Variants in AKAP19 observed in about 807,000 individuals in gnomAD.
AKAP19 encodes the protein A-kinase anchoring protein 19, also known as small A-kinase anchoring protein.
At chr2:190,141,803 C>T in the AKAP19 span, among the ~76,000 whole-genome samples, 1 of 152,132 alleles carries the variant, frequency 6.6e-6, no homozygotes, top group African/African-American at 2.4e-5. Context: ...TATTATGATA[C>T]CCGGTTTTTG....
At chr2:189,946,207 G>T in the AKAP19 span, among the ~76,000 whole-genome samples, 1 of 152,126 alleles carries the variant, frequency 6.6e-6, no homozygotes, top group African/African-American at 2.4e-5. Flanking sequence ...AACCCTAAAG[G>T]ATTAGGGGAT....
the AKAP19 span, among the ~76,000 whole-genome samples, chr2:189,977,072 G>A: frequency 6.6e-6 from 1 of 152,278 alleles, no homozygotes; most frequent in African/African-American, 2.4e-5. Context: ...CATCGCTCAC[G>A]CTGGGAGCTG....
At chr2:190,065,112 G>A in the AKAP19 span, among the ~76,000 whole-genome samples, 5 of 151,922 alleles carry the variant, frequency 3.3e-5, no homozygotes, top group Admixed American at 6.6e-5. Context: ...CCTTTTTCCC[G>A]TCTATTTAGT....
the AKAP19 span, among the ~76,000 whole-genome samples, chr2:189,888,571 G>A: frequency 6.6e-6 from 1 of 152,180 alleles, no homozygotes; most frequent in Non-Finnish European, 1.5e-5. Context: ...TCCTATTCAT[G>A]AGCATGGAAT....
At chr2:190,060,496 A>T in the AKAP19 span, 2 of 1,457,254 alleles carry the variant, frequency 1.4e-6, no homozygotes, top group Non-Finnish European at 1.9e-6. Flanking sequence ...AAACCCCTCC[A>T]TATTAATAGT....
chr2:190,046,884 G>T, the AKAP19 span, among the ~76,000 whole-genome samples: 1 of 151,892 alleles, frequency 6.6e-6, no homozygotes, highest in African/African-American at 2.4e-5. Context: ...TAATATGATT[G>T]GTTTCTTTTC....
chr2:189,883,555 T>C, the AKAP19 span, among the ~76,000 whole-genome samples: 1 of 151,104 alleles, frequency 6.6e-6, no homozygotes, highest in East Asian at 1.9e-4. Flanking sequence ...AACAACCTTT[T>C]TCCCCTTACT....
At chr2:190,033,814 G>A in the AKAP19 span, among the ~76,000 whole-genome samples, 20 of 151,802 alleles carry the variant, frequency 1.3e-4, no homozygotes, top group Non-Finnish European at 2.6e-4. Context: ...CATACCTCTC[G>A]TCTGATCAAG....
chr2:190,141,809 T>C, the AKAP19 span, among the ~76,000 whole-genome samples: 1 of 152,308 alleles, frequency 6.6e-6, no homozygotes, highest in African/African-American at 2.4e-5. Context: ...GATACCCGGT[T>C]TTTGAGAGAA....
the AKAP19 span, among the ~76,000 whole-genome samples, chr2:190,103,653 A>G: frequency 1.3e-5 from 2 of 152,222 alleles, no homozygotes; most frequent in East Asian, 3.8e-4. Context: ...TCTCTACAAG[A>G]AGAACTGCAA....
the AKAP19 span, chr2:190,181,061 C>G: frequency 5.1e-6 from 5 of 985,592 alleles, no homozygotes; most frequent in East Asian, 1.1e-4. Context: ...CGGGACCCCA[C>G]GGCTGTCCGG....
At chr2:189,897,972 G>C in the AKAP19 span, among the ~76,000 whole-genome samples, 32 of 152,220 alleles carry the variant, frequency 2.1e-4, no homozygotes, top group African/African-American at 7.0e-4. Flanking sequence ...ACTTTGGGAG[G>C]CTGAGACGGT....
At chr2:190,087,014 T>C in the AKAP19 span, among the ~76,000 whole-genome samples, 2 of 152,152 alleles carry the variant, frequency 1.3e-5, no homozygotes, top group Non-Finnish European at 2.9e-5. Flanking sequence ...CATTGTGAGG[T>C]TGGAAACAAA....
the AKAP19 span, chr2:190,060,022 A>G: frequency 6.3e-7 from 1 of 1,586,858 alleles, no homozygotes; most frequent in South Asian, 1.1e-5. Flanking sequence ...ATGAATAAAA[A>G]CATAAGGTTA....
chr2:189,880,840 A>G, the AKAP19 span, among the ~76,000 whole-genome samples: 6 of 152,202 alleles, frequency 3.9e-5, no homozygotes, highest in Non-Finnish European at 8.8e-5. Flanking sequence ...TACCAGGCAA[A>G]TTAAAATACC....
chr2:190,200,118 C>T, the AKAP19 span: 1 of 1,614,008 alleles, frequency 6.2e-7, no homozygotes, highest in Non-Finnish European at 8.5e-7. Context: ...AGTACCATGA[C>T]ATTCCATACA....
At chr2:190,103,164 C>A in the AKAP19 span, among the ~76,000 whole-genome samples, 3 of 152,064 alleles carry the variant, frequency 2.0e-5, no homozygotes, top group African/African-American at 7.2e-5. Context: ...AAACCCTCAG[C>A]AAACTACCCA....
the AKAP19 span, among the ~76,000 whole-genome samples, chr2:190,153,844 A>T: frequency 6.6e-6 from 1 of 152,144 alleles, no homozygotes; most frequent in African/African-American, 2.4e-5. Flanking sequence ...AAAGTTGATA[A>T]TTCTTTTTTG....
At chr2:190,088,587 G>C in the AKAP19 span, among the ~76,000 whole-genome samples, 1 of 151,954 alleles carries the variant, frequency 6.6e-6, no homozygotes, top group African/African-American at 2.4e-5. Context: ...ATTTGAGTCA[G>C]ATACAAAGTT....
Sources: allele counts gnomAD v4.1 joint callset (sites outside exome capture counted in the v4.1 genomes callset), GRCh38; gene constraint gnomAD v4.1.1; transcripts MANE v1.5; gene names NCBI Gene and HGNC (gene_info 2026-07-23, HGNC 2026-07-21).